GPC5: variants seen among roughly 807,000 people sequenced by gnomAD.
GPC5 encodes glypican 5.
In GPC5, 47 loss-of-function variants were observed where a neutral mutation model predicts 53.9. The ratio of observed to expected loss-of-function variants is 0.87; its 90% CI spans 0.69 to 1.11. The LOEUF (loss-of-function observed/expected upper bound fraction) is 1.11, where lower values mean the gene tolerates loss of function less well. GPC5 is among the 50% of genes most tolerant of loss of function. The pLI is 0.00. For synonymous variants in GPC5, 286 were observed against 263.3 expected, an observed-to-expected ratio of 1.09 and a Z score of -0.84; for missense variants, 748 against 713.1, an observed-to-expected ratio of 1.05 and a Z score of -0.56.
intron 5 of GPC5, among the ~76,000 whole-genome samples, chr13:91,778,044 G>A (rs2037739015): frequency 6.6e-6 from 1 of 151,704 alleles, no homozygotes; most frequent in Non-Finnish European, 1.5e-5. Flanking sequence ...TCAAATTCTA[G>A]GGATGGCTAA....
chr13:92,725,157 CT>C (rs1314979540), intron 7 of GPC5, among the ~76,000 whole-genome samples: 2 of 151,502 alleles, frequency 1.3e-5, no homozygotes. Flanking sequence ...GATATATCTT[CT>C]TTGGCTCTGA....
At chr13:91,700,061 T>C (rs771163556) in intron 3 of GPC5, among the ~76,000 whole-genome samples, 7 of 152,196 alleles carry the variant, frequency 4.6e-5, no homozygotes, top group Non-Finnish European at 8.8e-5. Flanking sequence ...TCTGTGATAT[T>C]TCAGCCTCTG....
intron 2 of GPC5, among the ~76,000 whole-genome samples, chr13:91,572,440 A>G (rs759087300): frequency 8.5e-5 from 13 of 152,170 alleles, no homozygotes; most frequent in Admixed American, 3.3e-4. Flanking sequence ...TCTGCAGACT[A>G]TAAGAAGTGT....
In GPC5 at chr13:92,783,549, T is replaced by G. The variant is rs532520327; in HGVS notation, c.1562-82733T>G. 2.0e-5 allele frequency among the ~76,000 whole-genome samples: 3 copies of G among 152,166 alleles called. No individual in the cohort carries two copies. In the East Asian group the frequency reaches 5.8e-4, roughly 29 times the overall value. ...AGGCTTCAGGAGCTAAACCGTAGTG[T>G]TGAAGAGGTACAAAAAATGAGGGTC... On this transcript the variant is annotated intron_variant, in intron 7 of 7. Transcript: ENST00000377067.
chr13:91,500,533 AC>A (rs1265695994), intron 2 of GPC5, among the ~76,000 whole-genome samples: 2 of 152,222 alleles, frequency 1.3e-5, no homozygotes, highest in African/African-American at 4.8e-5. Flanking sequence ...GGCCATGCAT[AC>A]ACTATGTAGC....
intron 2 of GPC5, among the ~76,000 whole-genome samples, chr13:91,616,268 CAG>C (rs2033693118): frequency 6.6e-6 from 1 of 152,034 alleles, no homozygotes; most frequent in African/African-American, 2.4e-5. Context: ...TTTAAAGAAA[CAG>C]ATCTCTTATG....
At chr13:92,119,769 T>A (rs1281491621) in intron 6 of GPC5, among the ~76,000 whole-genome samples, 1 of 151,916 alleles carries the variant, frequency 6.6e-6, no homozygotes, top group Non-Finnish European at 1.5e-5. Context: ...AAATAATGCC[T>A]CCTTTGAATT....
intron 7 of GPC5, among the ~76,000 whole-genome samples, chr13:92,191,948 T>C (rs2042225555): frequency 6.6e-6 from 1 of 152,166 alleles, no homozygotes. Flanking sequence ...TGAAGGTGTA[T>C]TGCTCCTGCA....
intron 6 of GPC5, among the ~76,000 whole-genome samples, chr13:91,976,104 C>T (rs141741646): frequency 7.7e-4 from 117 of 152,038 alleles, no homozygotes; most frequent in African/African-American, 2.6e-3. Flanking sequence ...GGGAACATCA[C>T]GCTCTGGGGA....
intron 7 of GPC5, among the ~76,000 whole-genome samples, chr13:92,508,527 C>G (rs1025027694): frequency 1.3e-5 from 2 of 152,136 alleles, no homozygotes; most frequent in Admixed American, 6.6e-5. Flanking sequence ...GGGTAACATT[C>G]TTTCACATTT....
intron 7 of GPC5, among the ~76,000 whole-genome samples, chr13:92,367,298 C>T (rs1353335350): frequency 1.3e-5 from 2 of 152,156 alleles, no homozygotes; most frequent in African/African-American, 4.8e-5. Context: ...CTTAATATTA[C>T]ATGCAAACAA....
intron 2 of GPC5, among the ~76,000 whole-genome samples, chr13:91,503,218 G>T (rs142287849): frequency 6.6e-6 from 1 of 152,164 alleles, no homozygotes; most frequent in East Asian, 1.9e-4. Flanking sequence ...TCAGAGGAAT[G>T]GTAGAGCTTT....
intron 7 of GPC5, among the ~76,000 whole-genome samples, chr13:92,651,381 C>T (rs924722088): frequency 6.6e-6 from 1 of 152,010 alleles, no homozygotes; most frequent in Non-Finnish European, 1.5e-5. Flanking sequence ...GGTACTTTTC[C>T]ACTGTAGTCT....
At chr13:92,603,909 G>A (rs1464418718) in intron 7 of GPC5, among the ~76,000 whole-genome samples, 8 of 152,114 alleles carry the variant, frequency 5.3e-5, no homozygotes, top group Non-Finnish European at 5.9e-5. Flanking sequence ...TTGGGGACCA[G>A]GTCTGGAAGT....
intron 6 of GPC5, among the ~76,000 whole-genome samples, chr13:92,097,090 T>C (rs2041427993): frequency 6.6e-6 from 1 of 152,200 alleles, no homozygotes; most frequent in South Asian, 2.1e-4. Context: ...TGTTCAAGGA[T>C]ATGCTGGTGA....
intron 6 of GPC5, among the ~76,000 whole-genome samples, chr13:92,011,019 A>G (rs2040656485): frequency 6.6e-6 from 1 of 152,198 alleles, no homozygotes; most frequent in African/African-American, 2.4e-5. Flanking sequence ...ATTTATCTTC[A>G]ACAGTTTTGC....
At chr13:92,038,630 T>C (rs1214516817) in intron 6 of GPC5, among the ~76,000 whole-genome samples, 1 of 151,238 alleles carries the variant, frequency 6.6e-6, no homozygotes, top group African/African-American at 2.4e-5. Flanking sequence ...GCCTGATGAA[T>C]ATTTCTCCCT....
At chr13:92,175,362 C>T (rs2042102303) in intron 7 of GPC5, among the ~76,000 whole-genome samples, 1 of 152,138 alleles carries the variant, frequency 6.6e-6, no homozygotes, top group South Asian at 2.1e-4. Flanking sequence ...TAGGGCTTGA[C>T]ACCTAATTGG....
intron 2 of GPC5, among the ~76,000 whole-genome samples, chr13:91,522,040 A>G (rs544773115): frequency 4.0e-4 from 61 of 152,380 alleles, no homozygotes; most frequent in Middle Eastern, 3.4e-3. Context: ...AGGAAGGGGT[A>G]TGTATGGCAC....
Sources: allele counts gnomAD v4.1 joint callset (sites outside exome capture counted in the v4.1 genomes callset), GRCh38; gene constraint gnomAD v4.1.1; transcripts MANE v1.5; gene names NCBI Gene and HGNC (gene_info 2026-07-23, HGNC 2026-07-21).